Variants in DOCK7 observed in about 807,000 individuals in gnomAD.
DOCK7 encodes the protein dedicator of cytokinesis protein 7.
Under a neutral mutation model 271.0 loss-of-function variants are expected in DOCK7, and 138 were observed. The ratio of observed to expected loss-of-function variants is 0.51; its 90% CI spans 0.44 to 0.59. The LOEUF (loss-of-function observed/expected upper bound fraction) is 0.59. DOCK7 is among the 20% of genes least tolerant of loss of function. DOCK7 has a pLI of 0.00. For synonymous variants in DOCK7, 823 were observed against 876.1 expected (o/e 0.94, Z 1.07); for missense variants, 2,066 against 2,592.4 (o/e 0.80, Z 4.41).
intron 18 of DOCK7, 81 bp downstream of exon 18, chr1:62,577,179 AAG>A: frequency 1.3e-6 from 1 of 778,000 alleles, no homozygotes; most frequent in Non-Finnish European, 1.9e-6. Flanking sequence ...AAGAAATGGC[AAG>A]AGTTTGCTTG....
intron 2 of DOCK7, among the ~76,000 whole-genome samples, chr1:62,654,452 A>G (rs1050361263): frequency 6.6e-6 from 1 of 152,222 alleles, no homozygotes; most frequent in Non-Finnish European, 1.5e-5. Context: ...TATAGTTTAC[A>G]AAGTACTCAC....
chr1:62,656,509 G>A (rs146784102), intron 2 of DOCK7, among the ~76,000 whole-genome samples: 2 of 152,260 alleles, frequency 1.3e-5, no homozygotes, highest in East Asian at 1.9e-4. Context: ...ATAAAAAAGT[G>A]CTCAAACATC....
intron 34 of DOCK7, among the ~76,000 whole-genome samples, 193 bp downstream of exon 34, chr1:62,510,384 A>G (rs1191297835): frequency 6.6e-6 from 1 of 152,232 alleles, no homozygotes; most frequent in Non-Finnish European, 1.5e-5. Context: ...TTGCCTTACT[A>G]TACCACGAGA....
chr1:62,620,213 C>T (rs1652985086), intron 12 of DOCK7, among the ~76,000 whole-genome samples: 1 of 151,640 alleles, frequency 6.6e-6, no homozygotes, highest in Admixed American at 6.6e-5. Flanking sequence ...GTCCCAGCTA[C>T]ATGGGAGGCT....
intron 31 of DOCK7, among the ~76,000 whole-genome samples, chr1:62,516,643 C>G (rs994504874): frequency 6.6e-6 from 1 of 152,148 alleles, no homozygotes; most frequent in Non-Finnish European, 1.5e-5. Flanking sequence ...CAGAGCTTCA[C>G]GATTACTCTC....
At chr1:62,624,186 C>T (rs575165558) in intron 12 of DOCK7, among the ~76,000 whole-genome samples, 3 of 151,880 alleles carry the variant, frequency 2.0e-5, no homozygotes, top group East Asian at 3.9e-4. Context: ...ATCCATTTTA[C>T]ATCAAAATCT....
chr1:62,524,955 A>ATATATATATATATATT (rs1644960857), intron 31 of DOCK7, among the ~76,000 whole-genome samples: 1 of 128,744 alleles, frequency 7.8e-6, no homozygotes, highest in Non-Finnish European at 1.7e-5. Flanking sequence ...ATATATATAT[A>ATATATATATATATATT]TTACTATAAA....
Position 62,483,308 on chromosome 1 carries a change from G to C in DOCK7, c.5508+4090C>G, listed in dbSNP as rs187463129. On this transcript the variant is annotated intron_variant, in intron 43 of 49. Coordinates refer to ENST00000635253, the MANE Select transcript of DOCK7 (RefSeq NM_001367561.1). ...GGCCTCCCATAATGTTGGGATTACA[G>C]GTGTCAGCCACCATGCTGGGCTTTC... is the stretch of plus-strand genomic sequence containing the variant. 4 of 149,428 alleles carry C rather than the reference G, an allele frequency of 2.7e-5. No homozygotes were observed. In the Admixed American group the frequency reaches 2.7e-4, roughly 10 times the overall value. 9.3% of individuals were successfully genotyped at this position (149,428 alleles called of 1,614,324 possible). A position where few individuals can be genotyped will look rare whatever the true frequency, so the allele number is the denominator to read the frequency against.
intron 14 of DOCK7, among the ~76,000 whole-genome samples, chr1:62,595,082 CT>C (rs34420784): frequency 0.036 from 5,534 of 152,150 alleles, 243 homozygotes; most frequent in African/African-American, 0.11. Context: ...TTTTCTTACC[CT>C]TTTGTGGTTC....
chr1:62,548,323 G>A (rs1232072684), intron 22 of DOCK7, among the ~76,000 whole-genome samples: 2 of 151,952 alleles, frequency 1.3e-5, no homozygotes, highest in Admixed American at 1.3e-4. Flanking sequence ...TGAGAAGGCG[G>A]CCTTCAGAGT....
At chr1:62,517,076 T>G (rs1557655524) in intron 31 of DOCK7, among the ~76,000 whole-genome samples, 1 of 152,314 alleles carries the variant, frequency 6.6e-6, no homozygotes, top group African/African-American at 2.4e-5. Context: ...TTTGTCACAG[T>G]TCTTAGTGAT....
chr1:62,622,402 A>AT (rs879796988), intron 12 of DOCK7, among the ~76,000 whole-genome samples: 19 of 150,684 alleles, frequency 1.3e-4, no homozygotes, highest in African/African-American at 1.9e-4. Context: ...TGTGGGTTTG[A>AT]TTTTTTTTTT....
chr1:62,614,596 G>C (rs1365331112), intron 14 of DOCK7, among the ~76,000 whole-genome samples: 2 of 151,912 alleles, frequency 1.3e-5, no homozygotes, highest in Non-Finnish European at 2.9e-5. Flanking sequence ...TATAGTGCAT[G>C]AGTAAATGTA....
At position 62,578,301 on chromosome 1, in the gene DOCK7, G is replaced by A. The variant is rs566427333; in HGVS notation, c.2010+527C>T. Reference sequence around the variant, plus strand: ...AGGACCAACACCCAAGTGTTTATACGTGTTAGTCAATAAATCAATTAATTA... The same window carrying A: ...AGGACCAACACCCAAGTGTTTATACATGTTAGTCAATAAATCAATTAATTA... On this transcript the variant is annotated intron_variant, in intron 17 of 49. Transcript: ENST00000635253. Among the ~76,000 whole-genome samples the A allele has an allele frequency of 7.2e-5, 11 of 152,184 alleles. No individual in the cohort carries two copies. In the South Asian group the frequency reaches 2.3e-3, roughly 32 times the overall value.
Position 62,549,358 on chromosome 1 carries a change from T to C in DOCK7, c.2766+3374A>G, listed in dbSNP as rs189251715. On this transcript the variant is annotated intron_variant, in intron 22 of 49. Coordinates refer to ENST00000635253, the MANE Select transcript of DOCK7 (RefSeq NM_001367561.1). ...TTTTGGTGGAAAATGGGAGGAATATTTGACTGAAGTAGAGATGATAGAAGT... is the reference window on the plus strand; with the variant it reads ...TTTTGGTGGAAAATGGGAGGAATATCTGACTGAAGTAGAGATGATAGAAGT... Among the ~76,000 whole-genome samples, 13 of 152,240 alleles carry C rather than the reference T, an allele frequency of 8.5e-5. No individual in the cohort carries two copies. The East Asian group carries it at 2.3e-3, about 27-fold the overall frequency.
intron 1 of DOCK7, among the ~76,000 whole-genome samples, chr1:62,680,320 A>G (rs1210039951): frequency 1.3e-5 from 2 of 152,148 alleles, no homozygotes; most frequent in Non-Finnish European, 2.9e-5. Context: ...GGTGTCGGGA[A>G]ACCTGGCTAG....
chr1:62,535,341 A>AAAT (rs1645309245), intron 29 of DOCK7, 152 bp downstream of exon 29: 1 of 610,882 alleles, frequency 1.6e-6, no homozygotes, highest in African/African-American at 1.9e-5. Context: ...TTAAACAGAT[A>AAAT]AATAATATAA....
chr1:62,603,370 ATT>A (rs1476938706), intron 14 of DOCK7, among the ~76,000 whole-genome samples: 2 of 151,818 alleles, frequency 1.3e-5, no homozygotes, highest in Non-Finnish European at 3.0e-5. Context: ...ATCTATTTAT[ATT>A]TGTTATTTGT....
At chr1:62,618,890 A>C in intron 13 of DOCK7, 22 bp from the exon 14 acceptor site, 1 of 1,606,146 alleles carries the variant, frequency 6.2e-7, no homozygotes, top group Non-Finnish European at 8.5e-7. Flanking sequence ...ATATTAAAAA[A>C]CAATGTAAAG....
Sources: gnomAD v4.1 joint callset for allele counts (sites outside exome capture counted in the v4.1 genomes callset) on GRCh38, gnomAD v4.1.1 for gene constraint, MANE v1.5 for transcripts, NCBI Gene and HGNC (gene_info 2026-07-23, HGNC 2026-07-21) for gene names.